The following SESN3 variants were observed in gnomAD, a reference collection of about 807,000 sequenced individuals.
The protein encoded by SESN3 is sestrin 3, also known as sestrin-3.
A neutral mutation model predicts 55.3 loss-of-function variants in SESN3; 21 were observed. The ratio of observed to expected loss-of-function variants is 0.38; its 90% CI spans 0.27 to 0.55. SESN3 has a LOEUF of 0.55. Ranked by LOEUF, SESN3 falls within the 20% of genes least tolerant of loss-of-function variation. SESN3 has a pLI of 0.76. For missense variants in SESN3, 408 were observed against 604.3 expected (o/e 0.68, Z 3.41); for synonymous variants, 181 against 203.1 (o/e 0.89, Z 0.93).
intron 1 of SESN3, among the ~76,000 whole-genome samples, chr11:95,213,783 CAACTCT>C (rs1307963222): frequency 6.6e-6 from 1 of 152,046 alleles, no homozygotes; most frequent in Non-Finnish European, 1.5e-5. Flanking sequence ...CAGAGCTAGG[CAACTCT>C]TTTTTTCTCA....
At chr11:95,208,832 T>C (rs952723411) in intron 1 of SESN3, among the ~76,000 whole-genome samples, 1 of 151,556 alleles carries the variant, frequency 6.6e-6, no homozygotes, top group Non-Finnish European at 1.5e-5. Context: ...GGATTCCCTA[T>C]TTAATAAATG....
chr11:95,201,141 T>A (rs1224811649), intron 1 of SESN3: 1 of 151,920 alleles, frequency 6.6e-6, no homozygotes, highest in Non-Finnish European at 1.5e-5. Context: ...TAAGTAACTT[T>A]CATAAAAAAA....
intron 9 of SESN3, among the ~76,000 whole-genome samples, 172 bp from the exon 10 acceptor site, chr11:95,173,513 T>G (rs1362047687): frequency 6.6e-6 from 1 of 152,180 alleles, no homozygotes; most frequent in Non-Finnish European, 1.5e-5. Flanking sequence ...CTAATGGCTC[T>G]GCAAGCAGTA....
chr11:95,184,191 A>C, intron 6 of SESN3: 1 of 574,600 alleles, frequency 1.7e-6, no homozygotes, highest in Non-Finnish European at 3.1e-6. Context: ...TTTATCCAGG[A>C]TAGAGTATGA....
At chr11:95,189,174 G>T (rs1477617668) in intron 4 of SESN3, among the ~76,000 whole-genome samples, 1 of 151,848 alleles carries the variant, frequency 6.6e-6, no homozygotes, top group Non-Finnish European at 1.5e-5. Flanking sequence ...ATAGTGCTAA[G>T]CATATTGAAT....
chr11:95,199,906 A>G (rs903689434), intron 1 of SESN3, among the ~76,000 whole-genome samples: 1 of 152,060 alleles, frequency 6.6e-6, no homozygotes, highest in Non-Finnish European at 1.5e-5. Context: ...AGTAAAATTT[A>G]ACTCCACAGA....
At chr11:95,226,759 G>GATA (rs1446683687) in intron 1 of SESN3, among the ~76,000 whole-genome samples, 8 of 152,178 alleles carry the variant, frequency 5.3e-5, no homozygotes, top group Non-Finnish European at 1.2e-4. Flanking sequence ...TGTAATGAAA[G>GATA]ATAATGGTGT....
intron 9 of SESN3, among the ~76,000 whole-genome samples, chr11:95,174,671 A>C (rs1591043524): frequency 2.0e-5 from 3 of 151,928 alleles, no homozygotes; most frequent in Non-Finnish European, 4.4e-5. Context: ...TTTTAGTAGA[A>C]ATGGGGTTTC....
chr11:95,226,654 T>C (rs1247853433), intron 1 of SESN3, among the ~76,000 whole-genome samples: 1 of 152,184 alleles, frequency 6.6e-6, no homozygotes, highest in Non-Finnish European at 1.5e-5. Context: ...AATGACAATC[T>C]TTCTCATACA....
chr11:95,197,431 C>A (rs79053903), intron 1 of SESN3, among the ~76,000 whole-genome samples: 5 of 148,388 alleles, frequency 3.4e-5, no homozygotes, highest in African/African-American at 1.2e-4. Context: ...TCTTTTTGGG[C>A]TTCCTTTTCT....
At chr11:95,216,615 T>C (rs989566234) in intron 1 of SESN3, among the ~76,000 whole-genome samples, 1 of 152,202 alleles carries the variant, frequency 6.6e-6, no homozygotes, top group African/African-American at 2.4e-5. Flanking sequence ...AGTTATATCA[T>C]TGAGGTGCTT....
intron 1 of SESN3, among the ~76,000 whole-genome samples, chr11:95,210,381 G>A (rs986639903): frequency 3.3e-5 from 5 of 152,106 alleles, no homozygotes; most frequent in Admixed American, 1.3e-4. Flanking sequence ...ATATGTATAT[G>A]GCACTCTACC....
intron 6 of SESN3, among the ~76,000 whole-genome samples, chr11:95,179,992 A>C (rs1860029952): frequency 6.6e-6 from 1 of 152,116 alleles, no homozygotes. Flanking sequence ...CTCACTTTTT[A>C]TTTTAGGTTG....
intron 1 of SESN3, among the ~76,000 whole-genome samples, chr11:95,208,757 A>G (rs1223228406): frequency 6.6e-6 from 1 of 151,494 alleles, no homozygotes; most frequent in Admixed American, 6.6e-5. Context: ...GGCCTCAGAA[A>G]TAACGCCACA....
rs151334191 is a variant in SESN3, at chr11:95,182,880, C to T, written c.937+1540G>A. 1.4e-4 allele frequency among the ~76,000 whole-genome samples: 22 copies of T among 152,192 alleles called. No homozygotes were observed. The East Asian group carries it at 3.3e-3, about 23-fold the overall frequency. On this transcript the variant is annotated intron_variant, in intron 6 of 9. Transcript: ENST00000536441. ...TTTGCTTGGGCCTGGATGCTGTTTA[C>T]CATGTCCTCCTGTGCCCCTCAGTCA...
At chr11:95,196,937 A>C (rs751556492) in intron 1 of SESN3, among the ~76,000 whole-genome samples, 1 of 152,214 alleles carries the variant, frequency 6.6e-6, no homozygotes, top group Non-Finnish European at 1.5e-5. Context: ...CAAGCATTTT[A>C]GTGTAATTGC....
intron 8 of SESN3, among the ~76,000 whole-genome samples, chr11:95,177,384 G>C (rs1859977539): frequency 6.6e-6 from 1 of 152,052 alleles, no homozygotes. Context: ...TTATTATAGT[G>C]ATCTAAAGGG....
At chr11:95,197,030 C>G (rs755116521) in intron 1 of SESN3, among the ~76,000 whole-genome samples, 1 of 152,146 alleles carries the variant, frequency 6.6e-6, no homozygotes, top group Admixed American at 6.6e-5. Flanking sequence ...TTCCAAGGAC[C>G]CTTGTCTCAA....
At chr11:95,174,343 T>A (rs1296696235) in intron 9 of SESN3, among the ~76,000 whole-genome samples, 1 of 152,252 alleles carries the variant, frequency 6.6e-6, no homozygotes, top group Non-Finnish European at 1.5e-5. Flanking sequence ...TTGATAAAGA[T>A]CCTTAACATT....
Sources: gnomAD v4.1 joint callset for allele counts (sites outside exome capture counted in the v4.1 genomes callset) on GRCh38, gnomAD v4.1.1 for gene constraint, MANE v1.5 for transcripts, NCBI Gene and HGNC (gene_info 2026-07-23, HGNC 2026-07-21) for gene names.